NRXN1: variants seen among roughly 807,000 people sequenced by gnomAD.
NRXN1 encodes the protein neurexin 1, also known as neurexin-1.
NRXN1 carries 39 observed loss-of-function variants against 150.9 expected under a neutral mutation model. The observed-to-expected ratio is 0.26, with a 90% CI of 0.20 to 0.34. The LOEUF is 0.34. Ranked by LOEUF, NRXN1 falls within the 10% of genes least tolerant of loss-of-function variation. The pLI is 1.00. For missense variants in NRXN1, 1,815 were observed against 1,949.9 expected, an observed-to-expected ratio of 0.93 and a Z score of 1.30; for synonymous variants, 924 against 757.0, an observed-to-expected ratio of 1.22 and a Z score of -3.62.
At chr2:50,916,236 T>C (rs1365558695) in intron 5 of NRXN1, among the ~76,000 whole-genome samples, 1 of 150,934 alleles carries the variant, frequency 6.6e-6, no homozygotes, top group Non-Finnish European at 1.5e-5. Flanking sequence ...GTTTTGCCTA[T>C]CATAATAAGC....
intron 5 of NRXN1, among the ~76,000 whole-genome samples, chr2:50,686,069 C>T (rs1691186992): frequency 6.6e-6 from 1 of 152,100 alleles, no homozygotes; most frequent in Admixed American, 6.6e-5. Flanking sequence ...TATGGTGCCA[C>T]AACTAGAAAT....
At chr2:50,705,330 C>T (rs915786207) in intron 5 of NRXN1, among the ~76,000 whole-genome samples, 3 of 152,110 alleles carry the variant, frequency 2.0e-5, no homozygotes, top group East Asian at 3.9e-4. Flanking sequence ...GATTCTATTG[C>T]TTTCAATAGA....
intron 18 of NRXN1, among the ~76,000 whole-genome samples, chr2:50,123,924 G>C (rs542212270): frequency 6.6e-6 from 1 of 152,236 alleles, no homozygotes; most frequent in South Asian, 2.1e-4. Flanking sequence ...GTAATAAAAA[G>C]GGGATGTGAG....
chr2:50,157,274 T>C (rs2059077976), intron 18 of NRXN1, among the ~76,000 whole-genome samples: 2 of 152,016 alleles, frequency 1.3e-5, no homozygotes, highest in Admixed American at 1.3e-4. Flanking sequence ...GACTTCTCTC[T>C]AAGAGTAGTT....
chr2:50,090,168 G>A lies in NRXN1; in HGVS notation c.3718+1155C>T, dbSNP rs540782886. 4.1e-4 allele frequency among the ~76,000 whole-genome samples: 62 copies of A among 152,278 alleles called. 1 individual carries two copies. Among genetic ancestry groups the A allele is most frequent in the African/African-American group, 1.4e-3 (57 of 41,554 alleles). On this transcript the variant is annotated intron_variant, in intron 19 of 22. Transcript: ENST00000401669. Reference sequence around the variant, plus strand: ...GCTTGTGGAATAGGTTTGAACTAGGGCTTGAAGATTTAGAATTCTATAAAC... The same window carrying A: ...GCTTGTGGAATAGGTTTGAACTAGGACTTGAAGATTTAGAATTCTATAAAC...
intron 8 of NRXN1, among the ~76,000 whole-genome samples, chr2:50,561,028 G>C (rs546925133): frequency 6.6e-6 from 1 of 152,100 alleles, no homozygotes; most frequent in Admixed American, 6.5e-5. Flanking sequence ...ACAACAAAGA[G>C]AAAAATATTT....
At chr2:50,825,123 G>A (rs1225014012) in intron 5 of NRXN1, among the ~76,000 whole-genome samples, 1 of 152,080 alleles carries the variant, frequency 6.6e-6, no homozygotes, top group Non-Finnish European at 1.5e-5. Flanking sequence ...GGCAAAATAG[G>A]GCACCCACAT....
At chr2:50,806,023 T>A (rs1426222420) in intron 5 of NRXN1, among the ~76,000 whole-genome samples, 1 of 152,196 alleles carries the variant, frequency 6.6e-6, no homozygotes, top group East Asian at 1.9e-4. Flanking sequence ...TTTCATAATA[T>A]TTCCATTGAT....
chr2:50,072,030 ATAT>A (rs1696362300), intron 19 of NRXN1, among the ~76,000 whole-genome samples: 2 of 152,234 alleles, frequency 1.3e-5, no homozygotes, highest in Admixed American at 1.3e-4. Flanking sequence ...CTATAAAATA[ATAT>A]TATTTTCATC....
intron 18 of NRXN1, among the ~76,000 whole-genome samples, chr2:50,182,719 A>G (rs2060814259): frequency 6.6e-6 from 1 of 152,110 alleles, no homozygotes; most frequent in Admixed American, 6.6e-5. Context: ...ACAGGGAGAT[A>G]CAATAAAAAT....
chr2:50,476,608 G>A (rs1211971950), intron 15 of NRXN1, among the ~76,000 whole-genome samples: 1 of 152,008 alleles, frequency 6.6e-6, no homozygotes, highest in Non-Finnish European at 1.5e-5. Flanking sequence ...CTCAATCTAT[G>A]CTGATTCCAC....
intron 17 of NRXN1, among the ~76,000 whole-genome samples, chr2:50,336,439 A>T (rs1224046987): frequency 6.6e-6 from 1 of 152,240 alleles, no homozygotes; most frequent in Non-Finnish European, 1.5e-5. Flanking sequence ...TTCATAATTA[A>T]GAGACCATAA....
chr2:50,042,898 C>G (rs984484758), intron 21 of NRXN1, among the ~76,000 whole-genome samples: 1 of 152,030 alleles, frequency 6.6e-6, no homozygotes, highest in Non-Finnish European at 1.5e-5. Context: ...CTAAAATCTT[C>G]CTGTGCCATT....
intron 18 of NRXN1, among the ~76,000 whole-genome samples, chr2:50,183,463 T>A (rs1346569275): frequency 6.6e-6 from 1 of 151,954 alleles, no homozygotes; most frequent in Non-Finnish European, 1.5e-5. Flanking sequence ...GAAAAAGACC[T>A]TACTTTTATT....
chr2:50,055,356 A>G (rs572023801), intron 19 of NRXN1, among the ~76,000 whole-genome samples: 22 of 152,314 alleles, frequency 1.4e-4, no homozygotes, highest in African/African-American at 5.3e-4. Flanking sequence ...AAAATGACCA[A>G]TGACCTCAGG....
At chr2:50,620,298 T>C in intron 7 of NRXN1, 115 bp from the exon 8 acceptor site, 2 of 1,162,332 alleles carry the variant, frequency 1.7e-6, no homozygotes, top group Non-Finnish European at 2.4e-6. Context: ...TTGTTTTGCT[T>C]TTTTCTTTTT....
chr2:50,032,707 C>G (rs1895131), intron 21 of NRXN1, among the ~76,000 whole-genome samples: 90,032 of 151,642 alleles, frequency 0.59, 28,247 homozygotes, highest in Non-Finnish European at 0.69. Context: ...TCCAATAACA[C>G]TGGTGTCCTT....
chr2:50,372,152 T>TCTAG (rs746898393), intron 17 of NRXN1, among the ~76,000 whole-genome samples: 49 of 152,062 alleles, frequency 3.2e-4, no homozygotes, highest in Non-Finnish European at 6.0e-4. Flanking sequence ...TAGTCACCAC[T>TCTAG]CTAGACTCAA....
intron 18 of NRXN1, among the ~76,000 whole-genome samples, chr2:50,139,324 C>CA (rs35142652): frequency 0.041 from 3,147 of 76,952 alleles, 143 homozygotes; most frequent in African/African-American, 0.12. Context: ...GACTTGGTAT[C>CA]AAAAAAAAAA....
Sources: gnomAD v4.1 joint callset for allele counts (sites outside exome capture counted in the v4.1 genomes callset) on GRCh38, gnomAD v4.1.1 for gene constraint, MANE v1.5 for transcripts, NCBI Gene and HGNC (gene_info 2026-07-23, HGNC 2026-07-21) for gene names.